Variants in UMAD1 observed in about 807,000 individuals in gnomAD.
UMAD1 encodes the protein UBAP1-MVB12-associated (UMA) domain containing 1.
In UMAD1, 8 loss-of-function variants were observed where a neutral mutation model predicts 6.1. That is an observed-to-expected ratio of 1.30 (90% confidence interval 0.76 to 2.35). UMAD1 has a LOEUF of 2.35. UMAD1 is among the 30% of genes most tolerant of loss of function. The pLI is 0.00. For synonymous variants in UMAD1, 56 were observed against 31.4 expected (o/e 1.78, Z -2.61); for missense variants, 130 against 78.4 (o/e 1.66, Z -2.49).
intron 3 of UMAD1, among the ~76,000 whole-genome samples, chr7:7,814,132 C>G (rs1563227629): frequency 1.3e-5 from 2 of 152,000 alleles, no homozygotes; most frequent in Admixed American, 6.6e-5. Context: ...TACAGGCACC[C>G]AACACCACGC....
At chr7:7,867,015 G>A (rs1784244202) in intron 3 of UMAD1, among the ~76,000 whole-genome samples, 1 of 152,102 alleles carries the variant, frequency 6.6e-6, no homozygotes, top group South Asian at 2.1e-4. Flanking sequence ...ATTGCATGGA[G>A]GAAGTGAGAG....
At chr7:7,849,636 C>A (rs1295585102) in intron 3 of UMAD1, among the ~76,000 whole-genome samples, 2 of 152,266 alleles carry the variant, frequency 1.3e-5, no homozygotes, top group Admixed American at 1.3e-4. Context: ...ACTGCACATA[C>A]AACAGAGTGG....
intron 1 of UMAD1, among the ~76,000 whole-genome samples, chr7:7,648,984 C>A (rs1211010279): frequency 4.0e-5 from 6 of 151,850 alleles, no homozygotes; most frequent in African/African-American, 1.5e-4. Flanking sequence ...ATGGCAAAAC[C>A]CTGTCTCTAC....
At chr7:7,693,952 G>C (rs1780241965) in intron 2 of UMAD1, among the ~76,000 whole-genome samples, 1 of 152,050 alleles carries the variant, frequency 6.6e-6, no homozygotes, top group South Asian at 2.1e-4. Flanking sequence ...TGAGGACTGA[G>C]ATCTCTCTTT....
At chr7:7,804,767 G>T (rs1782874340) in intron 3 of UMAD1, among the ~76,000 whole-genome samples, 1 of 152,156 alleles carries the variant, frequency 6.6e-6, no homozygotes, top group African/African-American at 2.4e-5. Flanking sequence ...GGATCATGAG[G>T]TCAGGAGATC....
In UMAD1 at chr7:7,659,153, C is replaced by G. The variant is rs532553414; in HGVS notation, c.-63-14156C>G. On this transcript the variant is annotated intron_variant, in intron 1 of 3. Coordinates refer to ENST00000682710, the MANE Select transcript of UMAD1 (RefSeq NM_001302348.2). Reference sequence around the variant, plus strand: ...TTGCTGTGGGATCAATGGTGATATCCCCTTTATCATTTTTTATTGCATCTA... The same window carrying G: ...TTGCTGTGGGATCAATGGTGATATCGCCTTTATCATTTTTTATTGCATCTA... Among the ~76,000 whole-genome samples the G allele has an allele frequency of 1.8e-4, 28 of 152,026 alleles. No homozygotes were observed. In the East Asian group the frequency reaches 5.2e-3, roughly 28 times the overall value.
chr7:7,641,431 A>G (rs1306754026), intron 1 of UMAD1: 1 of 152,152 alleles, frequency 6.6e-6, no homozygotes, highest in Non-Finnish European at 1.5e-5. Flanking sequence ...CATCTGCAAA[A>G]CGAAGGGTTA....
At chr7:7,827,147 ATGTGTGTGTG>A (rs60211625) in intron 3 of UMAD1, among the ~76,000 whole-genome samples, 3 of 134,200 alleles carry the variant, frequency 2.2e-5, no homozygotes, top group South Asian at 5.0e-4. Flanking sequence ...ATATATATAT[ATGTGTGTGTG>A]TGTGTGTGTG....
At chr7:7,775,132 T>C (rs143391819) in intron 2 of UMAD1, among the ~76,000 whole-genome samples, 109 of 152,370 alleles carry the variant, frequency 7.2e-4, no homozygotes, top group African/African-American at 2.5e-3. Flanking sequence ...TTCTTCACCA[T>C]TCATGCTTTC....
At chr7:7,694,643 A>T (rs28914169) in intron 2 of UMAD1, among the ~76,000 whole-genome samples, 1 of 150,952 alleles carries the variant, frequency 6.6e-6, no homozygotes, top group African/African-American at 2.4e-5. Context: ...TGTGAAGTTT[A>T]TCTCTCTCTG....
At chr7:7,726,849 G>T (rs1781147831) in intron 2 of UMAD1, among the ~76,000 whole-genome samples, 1 of 152,172 alleles carries the variant, frequency 6.6e-6, no homozygotes, top group Non-Finnish European at 1.5e-5. Context: ...GTTGGCTGGG[G>T]TGATTGACCT....
chr7:7,740,111 T>A (rs1781433602), intron 2 of UMAD1, among the ~76,000 whole-genome samples: 1 of 152,252 alleles, frequency 6.6e-6, no homozygotes, highest in African/African-American at 2.4e-5. Flanking sequence ...GAGACAGATT[T>A]GAAATTCTGG....
intron 1 of UMAD1, among the ~76,000 whole-genome samples, chr7:7,652,635 C>A (rs1785249743): frequency 6.6e-6 from 1 of 152,128 alleles, no homozygotes. Flanking sequence ...TTGGTTAATT[C>A]CGTGAATTTG....
At chr7:7,736,449 G>A (rs1195016700) in intron 2 of UMAD1, 2 of 152,730 alleles carry the variant, frequency 1.3e-5, no homozygotes, top group African/African-American at 4.8e-5. Flanking sequence ...GTGCATAGGA[G>A]GAGGAATTCT....
chr7:7,764,958 C>T (rs1237758581), intron 2 of UMAD1, among the ~76,000 whole-genome samples: 1 of 151,748 alleles, frequency 6.6e-6, no homozygotes, highest in Non-Finnish European at 1.5e-5. Flanking sequence ...CTGTCACTGC[C>T]TACTACTGGT....
At chr7:7,697,389 A>T (rs1780347017) in intron 2 of UMAD1, among the ~76,000 whole-genome samples, 2 of 152,222 alleles carry the variant, frequency 1.3e-5, no homozygotes, top group Non-Finnish European at 2.9e-5. Flanking sequence ...CCTATGAAAC[A>T]GATAAATTAT....
At chr7:7,782,649 A>G (rs1782369498) in intron 2 of UMAD1, among the ~76,000 whole-genome samples, 1 of 152,064 alleles carries the variant, frequency 6.6e-6, no homozygotes, top group Non-Finnish European at 1.5e-5. Flanking sequence ...AGAAAATAAT[A>G]CTTTAATCCT....
At chr7:7,784,664 A>G (rs1196592282) in intron 2 of UMAD1, among the ~76,000 whole-genome samples, 1 of 151,798 alleles carries the variant, frequency 6.6e-6, no homozygotes, top group Non-Finnish European at 1.5e-5. Context: ...TCTTTTGAGG[A>G]AAAGTGCTAT....
At chr7:7,703,095 A>G (rs760907515) in intron 2 of UMAD1, among the ~76,000 whole-genome samples, 5 of 152,196 alleles carry the variant, frequency 3.3e-5, no homozygotes, top group Admixed American at 6.5e-5. Flanking sequence ...CTTCCTTGCC[A>G]AACCTTCACT....
Sources: allele counts gnomAD v4.1 joint callset (sites outside exome capture counted in the v4.1 genomes callset), GRCh38; gene constraint gnomAD v4.1.1; transcripts MANE v1.5; gene names NCBI Gene and HGNC (gene_info 2026-07-23, HGNC 2026-07-21).